KLF12: variants seen among roughly 807,000 people sequenced by gnomAD.
KLF12 encodes the protein Krueppel-like factor 12.
KLF12 carries 9 observed loss-of-function variants against 37.8 expected under a neutral mutation model. That is an observed-to-expected ratio of 0.24 (90% confidence interval 0.14 to 0.42). KLF12 has a LOEUF of 0.42. KLF12 is among the 10% of genes least tolerant of loss of function. KLF12 has a pLI of 1.00. For missense variants in KLF12, 411 were observed against 516.0 expected (o/e 0.80, Z 1.97); for synonymous variants, 208 against 202.1 (o/e 1.03, Z -0.25).
chr13:74,243,564 C>T, the KLF12 span, among the ~76,000 whole-genome samples: 2 of 152,180 alleles, frequency 1.3e-5, no homozygotes, highest in Non-Finnish European at 2.9e-5. Context: ...AATTTACACT[C>T]TCCCCAACAG....
intron 3 of KLF12, among the ~76,000 whole-genome samples, chr13:73,911,973 CTTTT>C (rs1888590593): frequency 6.6e-6 from 1 of 152,154 alleles, no homozygotes; most frequent in South Asian, 2.1e-4. Context: ...CCAGGGCTTG[CTTTT>C]TTTGTTTTGT....
intron 1 of KLF12, among the ~76,000 whole-genome samples, chr13:74,016,409 G>A (rs1892689607): frequency 6.6e-6 from 1 of 152,158 alleles, no homozygotes; most frequent in Admixed American, 6.5e-5. Flanking sequence ...ACCCAGGCTG[G>A]AGTGCAATGG....
intron 4 of KLF12, among the ~76,000 whole-genome samples, chr13:73,816,196 G>C (rs1019344055): frequency 2.0e-5 from 3 of 152,116 alleles, no homozygotes; most frequent in Non-Finnish European, 4.4e-5. Flanking sequence ...ATGTAGAATA[G>C]GGACATCAAC....
the KLF12 span, among the ~76,000 whole-genome samples, chr13:74,200,240 C>T: frequency 2.0e-5 from 3 of 151,924 alleles, no homozygotes; most frequent in Non-Finnish European, 4.4e-5. Context: ...AGCCTGAGTC[C>T]TGCATAATTC....
At chr13:74,044,372 G>A (rs965703179) in intron 1 of KLF12, among the ~76,000 whole-genome samples, 7 of 152,130 alleles carry the variant, frequency 4.6e-5, no homozygotes, top group Non-Finnish European at 7.4e-5. Context: ...TAAGAGGAAC[G>A]AGGGCTCTGT....
intron 1 of KLF12, among the ~76,000 whole-genome samples, chr13:74,122,608 A>C (rs576720538): frequency 3.3e-5 from 5 of 152,098 alleles, no homozygotes; most frequent in African/African-American, 4.8e-5. Flanking sequence ...ATTAGTTTAA[A>C]AGCGACAAAA....
intron 4 of KLF12, among the ~76,000 whole-genome samples, chr13:73,838,899 T>C (rs941354237): frequency 1.3e-5 from 2 of 152,128 alleles, no homozygotes; most frequent in Non-Finnish European, 2.9e-5. Flanking sequence ...TTGGGCAAAG[T>C]AAAATACCCA....
chr13:74,182,147 G>C, the KLF12 span, among the ~76,000 whole-genome samples: 1 of 152,202 alleles, frequency 6.6e-6, no homozygotes, highest in Non-Finnish European at 1.5e-5. Context: ...TGGGTGATGA[G>C]TGCAAATTTT....
chr13:73,903,235 C>CTG (rs1566448511), intron 3 of KLF12, among the ~76,000 whole-genome samples: 1 of 151,996 alleles, frequency 6.6e-6, no homozygotes, highest in African/African-American at 2.4e-5. Context: ...TGTGTGGCAT[C>CTG]TGTGTGTGCC....
At chr13:73,902,294 G>A (rs1888077648) in intron 3 of KLF12, among the ~76,000 whole-genome samples, 1 of 152,122 alleles carries the variant, frequency 6.6e-6, no homozygotes, top group Admixed American at 6.5e-5. Flanking sequence ...ACTATTTTGA[G>A]GCAGGCATTA....
Position 73,947,154 on chromosome 13 carries a change from TGTA to T in KLF12, c.34-3087_34-3085del, listed in dbSNP as rs564125295. Among the ~76,000 whole-genome samples the T allele has an allele frequency of 1.3e-3, 202 of 152,344 alleles. 2 individuals carry two copies. The highest frequency in any genetic ancestry group is 4.7e-3 in the African/African-American group (196 of 41,576). ...AAATTACAGTTATCAATTTTAGTAA[TGTA>T]GTATTCTTTGTATATTTATAACAAA... On this transcript the variant is annotated intron_variant, in intron 2 of 7. Transcript: ENST00000377669.
chr13:73,984,197 A>G (rs1202560449), intron 2 of KLF12, among the ~76,000 whole-genome samples: 3 of 152,158 alleles, frequency 2.0e-5, no homozygotes, highest in Non-Finnish European at 4.4e-5. Context: ...ACATGTCTAC[A>G]TTTTCAGAAC....
the KLF12 span, among the ~76,000 whole-genome samples, chr13:74,205,655 C>G: frequency 6.6e-6 from 1 of 152,024 alleles, no homozygotes. Flanking sequence ...TTGACCCTGA[C>G]GTAGACACAG....
intron 3 of KLF12, among the ~76,000 whole-genome samples, chr13:73,908,041 T>C (rs1888385886): frequency 6.6e-6 from 1 of 152,194 alleles, no homozygotes; most frequent in African/African-American, 2.4e-5. Context: ...TGACTTAGTC[T>C]ACTGCATCTT....
chr13:73,728,493 A>T (rs1366733531), intron 6 of KLF12, among the ~76,000 whole-genome samples: 2 of 152,192 alleles, frequency 1.3e-5, no homozygotes, highest in Non-Finnish European at 2.9e-5. Flanking sequence ...CTGTATGGAC[A>T]TCTTGTCTTG....
chr13:73,975,874 A>T (rs1201687288), intron 2 of KLF12, among the ~76,000 whole-genome samples: 1 of 152,106 alleles, frequency 6.6e-6, no homozygotes, highest in Non-Finnish European at 1.5e-5. Flanking sequence ...AAATCTTCAC[A>T]ATAGAACCCC....
chr13:74,009,986 A>G (rs768094968), intron 1 of KLF12, among the ~76,000 whole-genome samples: 7 of 152,062 alleles, frequency 4.6e-5, no homozygotes, highest in Non-Finnish European at 7.4e-5. Context: ...GTCTCACTCT[A>G]TCACCCAGGC....
At chr13:74,057,629 GAA>G (rs1873322792) in intron 1 of KLF12, among the ~76,000 whole-genome samples, 1 of 152,150 alleles carries the variant, frequency 6.6e-6, no homozygotes, top group African/African-American at 2.4e-5. Context: ...TTGATATACA[GAA>G]GAGACAAGTC....
the KLF12 span, among the ~76,000 whole-genome samples, chr13:74,176,571 C>G: frequency 6.6e-6 from 1 of 152,142 alleles, no homozygotes; most frequent in African/African-American, 2.4e-5. Flanking sequence ...CTCAGACTTA[C>G]CATTTCCTCA....
Sources: allele counts gnomAD v4.1 joint callset (sites outside exome capture counted in the v4.1 genomes callset), GRCh38; gene constraint gnomAD v4.1.1; transcripts MANE v1.5; gene names NCBI Gene and HGNC (gene_info 2026-07-23, HGNC 2026-07-21).